AR: variants seen among roughly 807,000 people sequenced by gnomAD.
AR encodes dihydrotestosterone receptor.
In AR, 8 loss-of-function variants were observed where a neutral mutation model predicts 53.9. That is an observed-to-expected ratio of 0.15 (90% CI 0.09 to 0.27). The LOEUF (loss-of-function observed/expected upper bound fraction) is 0.27, where lower values mean the gene tolerates loss of function less well. Ranked by LOEUF, AR falls within the 10% of genes least tolerant of loss-of-function variation. The probability of loss-of-function intolerance (pLI) is 1.00; values close to 1 mark genes in which losing one functional copy is unlikely to be tolerated. For synonymous variants in AR, 359 were observed against 316.4 expected (o/e 1.13, Z -1.43); for missense variants, 639 against 742.5 (o/e 0.86, Z 1.62).
At chrX:67,628,830 A>G (rs1345086454) in intron 1 of AR, among the ~76,000 whole-genome samples, 2 of 111,772 alleles carry the variant, frequency 1.8e-5, no homozygotes, top group Admixed American at 9.5e-5. Flanking sequence ...TAATTTATTG[A>G]GAGTTTTTAG....
chrX:67,707,869 T>C (rs999320016), intron 3 of AR, among the ~76,000 whole-genome samples: 3 of 111,663 alleles, frequency 2.7e-5, no homozygotes, highest in African/African-American at 9.8e-5. Context: ...ATTTGCTTGT[T>C]TTTAAAGTAT....
At chrX:67,657,166 C>T (rs947007254) in intron 2 of AR, among the ~76,000 whole-genome samples, 2 of 111,111 alleles carry the variant, frequency 1.8e-5, no homozygotes, top group African/African-American at 6.5e-5. Flanking sequence ...TTTATTCCAT[C>T]CTTACAATGG....
At chrX:67,632,565 G>C (rs1046371971) in intron 1 of AR, among the ~76,000 whole-genome samples, 2 of 112,053 alleles carry the variant, frequency 1.8e-5, no homozygotes, top group African/African-American at 6.5e-5. Flanking sequence ...AGATGAGCCC[G>C]CTACCTCAGA....
At chrX:67,645,657 G>T (rs1455743533) in intron 2 of AR, among the ~76,000 whole-genome samples, 1 of 110,762 alleles carries the variant, frequency 9.0e-6, no homozygotes, top group Non-Finnish European at 1.9e-5. Flanking sequence ...TGAGCCCCTT[G>T]GTTATTTTGA....
chrX:67,628,313 T>G (rs1221812528), intron 1 of AR, among the ~76,000 whole-genome samples: 2 of 97,790 alleles, frequency 2.0e-5, no homozygotes, highest in Admixed American at 1.2e-4. Flanking sequence ...TTTATTTCCT[T>G]GAGCAGTGGT....
chrX:67,659,646 T>G (rs981571572), intron 2 of AR, among the ~76,000 whole-genome samples: 1 of 112,094 alleles, frequency 8.9e-6, no homozygotes, highest in East Asian at 2.8e-4. Flanking sequence ...GTTCCAAGGC[T>G]TTGCTATTGT....
At chrX:67,662,060 C>T (rs191397249) in intron 2 of AR, among the ~76,000 whole-genome samples, 41 of 111,305 alleles carry the variant, frequency 3.7e-4, no homozygotes, top group Non-Finnish European at 6.2e-4. Flanking sequence ...TTTTTTATTG[C>T]GTCTATTTGA....
intron 1 of AR, among the ~76,000 whole-genome samples, chrX:67,628,113 G>T (rs1414962765): frequency 9.0e-6 from 1 of 111,206 alleles, no homozygotes; most frequent in Non-Finnish European, 1.9e-5. Flanking sequence ...TTGACTTGGG[G>T]ATGTGGGCTC....
At chrX:67,697,015 A>G (rs746558563) in intron 3 of AR, among the ~76,000 whole-genome samples, 2 of 112,047 alleles carry the variant, frequency 1.8e-5, no homozygotes, top group Non-Finnish European at 3.8e-5. Flanking sequence ...GATAGACAAG[A>G]TCCAAGGCCT....
intron 1 of AR, among the ~76,000 whole-genome samples, chrX:67,628,922 T>A (rs1223018436): frequency 2.7e-5 from 3 of 111,672 alleles, no homozygotes; most frequent in African/African-American, 9.8e-5. Context: ...TGGTTCTGTT[T>A]ATATGCTGGA....
At chrX:67,698,722 G>A (rs1165597921) in intron 3 of AR, among the ~76,000 whole-genome samples, 1 of 111,938 alleles carries the variant, frequency 8.9e-6, no homozygotes, top group Non-Finnish European at 1.9e-5. Context: ...AAGAACCTCA[G>A]TTATTGTTTT....
Position 67,721,860 on chromosome X carries a change from C to T in AR, c.2346C>T (p.Tyr782=), listed in dbSNP as rs774151756. The change falls in exon 6 of 8, where the codon TAC becomes TAT. Residue 782 remains tyrosine (Y), a synonymous_variant. Coordinates refer to ENST00000374690, the MANE Select transcript of AR (RefSeq NM_000044.6). Reference sequence around the variant, plus strand: ...ACCGCATGCACAAGTCCCGGATGTACAGCCAGTGTGTCCGAATGAGGCACC... The same window carrying T: ...ACCGCATGCACAAGTCCCGGATGTATAGCCAGTGTGTCCGAATGAGGCACC... ...NEYRMHKSRM[Y]SQCVRMRHLS... The T allele has an allele frequency of 8.3e-7, 1 of 1,210,925 alleles. No homozygotes were observed. The highest frequency in any genetic ancestry group is 3.0e-5 in the East Asian group (1 of 33,799).
chrX:67,670,214 A>C (rs994786830), intron 2 of AR, among the ~76,000 whole-genome samples: 2 of 87,827 alleles, frequency 2.3e-5, no homozygotes, highest in African/African-American at 8.2e-5. Flanking sequence ...ATACAACTAC[A>C]TATTGGGTAA....
intron 3 of AR, among the ~76,000 whole-genome samples, chrX:67,708,078 T>C (rs1350718728): frequency 8.9e-6 from 1 of 111,861 alleles, no homozygotes; most frequent in Non-Finnish European, 1.9e-5. Context: ...CTTAACATTG[T>C]ATCCTTCATT....
intron 2 of AR, among the ~76,000 whole-genome samples, chrX:67,667,744 A>T (rs1227149467): frequency 1.8e-5 from 2 of 109,303 alleles, no homozygotes; most frequent in East Asian, 2.9e-4. Flanking sequence ...TCTTATATTA[A>T]TTTTTTTTTA....
chrX:67,719,832 T>A (rs2076128299), intron 5 of AR, among the ~76,000 whole-genome samples: 1 of 111,996 alleles, frequency 8.9e-6, no homozygotes, highest in Admixed American at 9.4e-5. Flanking sequence ...CCAGCCTTCC[T>A]AAGGTGCTAA....
chrX:67,578,194 C>G, intron 1 of AR, among the ~76,000 whole-genome samples: 1 of 111,157 alleles, frequency 9.0e-6, no homozygotes, highest in East Asian at 2.8e-4. Context: ...CTTATGCATA[C>G]CTAAGCAGAG....
At chrX:67,557,392 G>T (rs1057223598) in intron 1 of AR, among the ~76,000 whole-genome samples, 1 of 112,218 alleles carries the variant, frequency 8.9e-6, no homozygotes, top group African/African-American at 3.2e-5. Flanking sequence ...AAATGGTGAA[G>T]ACTGTATGTA....
At chrX:67,552,510 T>C (rs1478299070) in intron 1 of AR, among the ~76,000 whole-genome samples, 1 of 112,642 alleles carries the variant, frequency 8.9e-6, no homozygotes, top group East Asian at 2.8e-4. Flanking sequence ...TGTGGACATA[T>C]TCAGTCCACA....
Sources: allele counts gnomAD v4.1 joint callset (sites outside exome capture counted in the v4.1 genomes callset), GRCh38; gene constraint gnomAD v4.1.1; transcripts MANE v1.5; gene names NCBI Gene and HGNC (gene_info 2026-07-23, HGNC 2026-07-21).